Variants in RICTOR observed in about 807,000 individuals in gnomAD.
RICTOR encodes RPTOR independent companion of MTOR complex 2, also known as rapamycin-insensitive companion of mTOR.
RICTOR carries 49 observed loss-of-function variants against 214.9 expected under a neutral mutation model. The observed-to-expected ratio is 0.23, with a 90% CI of 0.18 to 0.29. The LOEUF (loss-of-function observed/expected upper bound fraction) is 0.29, where lower values mean the gene tolerates loss of function less well. Ranked by LOEUF, RICTOR falls within the 10% of genes least tolerant of loss-of-function variation. The pLI is 1.00. For missense variants in RICTOR, 1,625 were observed against 2,047.0 expected (o/e 0.79, Z 3.98); for synonymous variants, 717 against 711.3 (o/e 1.01, Z -0.13).
At chr5:39,049,168 C>T (rs936392285) in intron 2 of RICTOR, among the ~76,000 whole-genome samples, 1 of 152,210 alleles carries the variant, frequency 6.6e-6, no homozygotes, top group South Asian at 2.1e-4. Context: ...AATCACTCCC[C>T]ACTAACTCAT....
intron 25 of RICTOR, among the ~76,000 whole-genome samples, chr5:38,956,683 T>C (rs929850863): frequency 6.6e-5 from 10 of 152,146 alleles, no homozygotes; most frequent in African/African-American, 2.4e-4. Context: ...CATGTAACTT[T>C]GTTATAGCTC....
intron 6 of RICTOR, among the ~76,000 whole-genome samples, chr5:38,991,922 A>T (rs972255591): frequency 5.3e-5 from 8 of 152,160 alleles, no homozygotes; most frequent in Non-Finnish European, 1.2e-4. Context: ...GTAATAAAAT[A>T]TTAGAGAAAA....
Position 39,056,618 on chromosome 5 carries a change from C to G in RICTOR, c.97+17493G>C, listed in dbSNP as rs1758224044. ...TGCCACTGCCCTCCAGCCTGGATGA[C>G]AAAGCGAGACCCTGTCTCAAAAAAG... On this transcript the variant is annotated intron_variant, in intron 2 of 37. Coordinates refer to ENST00000357387, the MANE Select transcript of RICTOR (RefSeq NM_152756.5). Among the ~76,000 whole-genome samples, 3 of 150,490 alleles carry G rather than the reference C, an allele frequency of 2.0e-5. No individual in the cohort carries two copies. The South Asian group carries it at 6.3e-4, about 31-fold the overall frequency.
At chr5:38,962,628 G>C (rs1749889908) in intron 17 of RICTOR, 42 bp from the exon 18 acceptor site, 2 of 1,108,114 alleles carry the variant, frequency 1.8e-6, no homozygotes, top group Non-Finnish European at 2.6e-6. Context: ...AAGGCAAACT[G>C]TCCTCATATC....
At chr5:38,987,932 C>G (rs1011645796) in intron 7 of RICTOR, among the ~76,000 whole-genome samples, 1 of 152,138 alleles carries the variant, frequency 6.6e-6, no homozygotes, top group Admixed American at 6.5e-5. Context: ...TTTCAAAGAA[C>G]TTATTAATTT....
intron 2 of RICTOR, among the ~76,000 whole-genome samples, chr5:39,052,274 G>T (rs1757909025): frequency 6.6e-6 from 1 of 152,076 alleles, no homozygotes; most frequent in Non-Finnish European, 1.5e-5. Flanking sequence ...TACTTAGAAG[G>T]CTGAGACAGG....
intron 2 of RICTOR, among the ~76,000 whole-genome samples, chr5:39,049,133 G>A (rs1757684222): frequency 6.6e-6 from 1 of 152,090 alleles, no homozygotes; most frequent in East Asian, 1.9e-4. Flanking sequence ...CTCCCAAGCA[G>A]CAGGCAGAAG....
chr5:38,994,369 C>T (rs866201194), intron 6 of RICTOR, among the ~76,000 whole-genome samples: 3 of 132,054 alleles, frequency 2.3e-5, no homozygotes, highest in Admixed American at 9.0e-5. Flanking sequence ...AGGTCCCAAG[C>T]GTTTTGGATA....
chr5:38,959,852 A>T lies in RICTOR; in HGVS notation c.1978T>A (p.Phe660Ile). The T allele has an allele frequency of 6.2e-7, 1 of 1,613,468 alleles. No individual in the cohort carries two copies. Among genetic ancestry groups the T allele is most frequent in the Non-Finnish European group, 8.5e-7 (1 of 1,179,500 alleles). Residue 660 changes from phenylalanine to isoleucine, a missense_variant, in exon 21 of 38, where the codon TTT becomes ATT. Phe to Ile is a conservative substitution (Grantham distance 21). Transcript: ENST00000357387. ...GLLTTLSQHYFLFIGTLSCHP... is the reference protein window; with the variant it reads ...GLLTTLSQHYILFIGTLSCHP... ...CAAGAAAGTGTTCCAATAAATAAAA[A>T]GTAGTGTTGACTAAGGGTGGTCAAT...
At chr5:39,030,325 C>A (rs959686929) in intron 2 of RICTOR, among the ~76,000 whole-genome samples, 2 of 152,072 alleles carry the variant, frequency 1.3e-5, no homozygotes, top group African/African-American at 4.8e-5. Flanking sequence ...GGAGTCAGTA[C>A]AAATTTAATA....
At chr5:38,971,321 C>T (rs1307866802) in intron 11 of RICTOR, 2 of 152,202 alleles carry the variant, frequency 1.3e-5, no homozygotes, top group African/African-American at 4.8e-5. Context: ...CGTGAGCCAC[C>T]ATGTCCGGCC....
At chr5:38,985,343 C>T (rs983836305) in intron 7 of RICTOR, among the ~76,000 whole-genome samples, 2 of 152,042 alleles carry the variant, frequency 1.3e-5, no homozygotes, top group Non-Finnish European at 2.9e-5. Context: ...AATGGTTATA[C>T]TGTATTTAAA....
chr5:38,980,283 C>T (rs976388546), intron 8 of RICTOR, among the ~76,000 whole-genome samples: 5 of 151,940 alleles, frequency 3.3e-5, no homozygotes, highest in African/African-American at 4.8e-5. Context: ...TGTCTTTTTA[C>T]GTGACTAATT....
chr5:39,050,239 A>C (rs1757751899), intron 2 of RICTOR, among the ~76,000 whole-genome samples: 1 of 151,612 alleles, frequency 6.6e-6, no homozygotes, highest in Non-Finnish European at 1.5e-5. Context: ...ATGAATCATT[A>C]CTCAAAGTAC....
Position 38,953,639 on chromosome 5 carries a change from TTTG to T in RICTOR, c.2698-89_2698-87del, listed in dbSNP as rs141142906. 2.0e-3 allele frequency: 846 copies of T among 427,158 alleles called. 11 individuals are homozygous for T. Among genetic ancestry groups the T allele is most frequent in the African/African-American group, 0.016 (775 of 48,156 alleles). The allele number at this position is 427,158 out of a possible 1,614,324, so 26.5% of individuals were successfully genotyped here. On this transcript the variant is annotated intron_variant, in intron 27 of 37. Transcript: ENST00000357387. The stretch of plus-strand genomic sequence containing the variant: ...ATTGCATCATAAAACCAGTATAACG[TTTG>T]TTTTTTGTCATTTTTGCATATTTAA...
rs759109862 is a variant in RICTOR at position 38,962,944 on chromosome 5, T to C, written c.1498A>G (p.Lys500Glu). ...YSLHLDHIIQ[K>E]AIATHQKRDQ... is the part of the protein sequence containing the mutation. Reference sequence around the variant, plus strand: ...CGTTTCTGGTGTGTTGCAATTGCTTTCTGAATAATGTGGTCTAAATGAAGA... The same window carrying C: ...CGTTTCTGGTGTGTTGCAATTGCTTCCTGAATAATGTGGTCTAAATGAAGA... The change falls in exon 17 of 38, where the codon AAA (lysine) becomes GAA (glutamate). Residue 500 changes from lysine to glutamate, a missense_variant. Physicochemically the swap from Lys to Glu is moderately conservative, Grantham distance 56. Coordinates refer to ENST00000357387, the MANE Select transcript of RICTOR (RefSeq NM_152756.5). 2.5e-6 allele frequency: 4 copies of C among 1,612,970 alleles called. No homozygotes were observed. The highest frequency in any genetic ancestry group is 2.2e-5 in the South Asian group (2 of 91,046).
At chr5:38,995,628 ATTATT>A (rs1753124482) in intron 6 of RICTOR, among the ~76,000 whole-genome samples, 1 of 152,126 alleles carries the variant, frequency 6.6e-6, no homozygotes, top group South Asian at 2.1e-4. Flanking sequence ...TAATGTGTTT[ATTATT>A]TTAAACATAT....
chr5:38,990,655 GAT>G (rs753986157), intron 7 of RICTOR, among the ~76,000 whole-genome samples: 1 of 79,184 alleles, frequency 1.3e-5, no homozygotes, highest in Non-Finnish European at 2.5e-5. Context: ...TCAGATATAT[GAT>G]ATATATCAGA....
chr5:38,967,309 T>C (rs1233088334), intron 13 of RICTOR, 28 bp downstream of exon 13: 5 of 1,598,902 alleles, frequency 3.1e-6, no homozygotes, highest in Middle Eastern at 1.7e-4. Flanking sequence ...TTCTAATAAA[T>C]TGAAACCCTT....
Sources: gnomAD v4.1 joint callset for allele counts (sites outside exome capture counted in the v4.1 genomes callset) on GRCh38, gnomAD v4.1.1 for gene constraint, MANE v1.5 for transcripts, NCBI Gene and HGNC (gene_info 2026-07-23, HGNC 2026-07-21) for gene names.